Variants in KCNIP4 observed in about 807,000 individuals in gnomAD.
KCNIP4 encodes the protein potassium voltage-gated channel interacting protein 4, also known as Kv channel-interacting protein 4.
In KCNIP4, 12 loss-of-function variants were observed where a neutral mutation model predicts 34.0. That is an observed-to-expected ratio of 0.35 (90% CI 0.23 to 0.57). KCNIP4 has a LOEUF of 0.57. KCNIP4 is among the 20% of genes least tolerant of loss of function. The pLI is 0.83. For synonymous variants in KCNIP4, 124 were observed against 102.2 expected (o/e 1.21, Z -1.29); for missense variants, 238 against 311.7 (o/e 0.76, Z 1.78).
intron 1 of KCNIP4, among the ~76,000 whole-genome samples, chr4:21,170,250 A>G (rs936389737): frequency 6.6e-6 from 1 of 152,204 alleles, no homozygotes; most frequent in Non-Finnish European, 1.5e-5. Flanking sequence ...CATCAATTTT[A>G]CCAAGCTATT....
chr4:20,810,456 G>A (rs1715595349), intron 3 of KCNIP4, among the ~76,000 whole-genome samples: 1 of 127,286 alleles, frequency 7.9e-6, no homozygotes, highest in African/African-American at 2.8e-5. Flanking sequence ...GCAGGGGGGA[G>A]GAAGGGGGGA....
At chr4:21,060,947 G>C (rs1377342192) in intron 1 of KCNIP4, among the ~76,000 whole-genome samples, 1 of 152,126 alleles carries the variant, frequency 6.6e-6, no homozygotes, top group Non-Finnish European at 1.5e-5. Context: ...CGGAAAGATA[G>C]GGAAACATAT....
chr4:20,830,272 G>T (rs2130918), intron 3 of KCNIP4, among the ~76,000 whole-genome samples: 31,012 of 151,946 alleles, frequency 0.2, 3,396 homozygotes, highest in South Asian at 0.39. Flanking sequence ...TCCCTTTACA[G>T]GTAATCCAAA....
intron 1 of KCNIP4, among the ~76,000 whole-genome samples, chr4:21,818,762 T>TATCTC (rs1237002641): frequency 6.6e-6 from 1 of 152,246 alleles, no homozygotes; most frequent in African/African-American, 2.4e-5. Context: ...AGAAACTTTC[T>TATCTC]ATCTCATCAG....
intron 1 of KCNIP4, among the ~76,000 whole-genome samples, chr4:21,336,877 A>G (rs1199132563): frequency 6.6e-6 from 1 of 152,106 alleles, no homozygotes; most frequent in Non-Finnish European, 1.5e-5. Context: ...CACATACGCA[A>G]CTTTAACAGC....
chr4:21,204,048 A>G (rs1756679569), intron 1 of KCNIP4, among the ~76,000 whole-genome samples: 1 of 152,164 alleles, frequency 6.6e-6, no homozygotes, highest in East Asian at 1.9e-4. Flanking sequence ...ATTGCAAGGC[A>G]TGGTTGTTCT....
At chr4:21,738,919 G>A (rs906802509) in intron 1 of KCNIP4, among the ~76,000 whole-genome samples, 1 of 152,110 alleles carries the variant, frequency 6.6e-6, no homozygotes, top group Non-Finnish European at 1.5e-5. Flanking sequence ...AGAAATTGTG[G>A]TTATTGAATG....
At chr4:21,830,992 T>C (rs1373010059) in intron 1 of KCNIP4, among the ~76,000 whole-genome samples, 2 of 152,060 alleles carry the variant, frequency 1.3e-5, no homozygotes, top group Admixed American at 6.6e-5. Flanking sequence ...TAGAAATCAA[T>C]AACAGGAGAA....
At chr4:21,745,520 C>T (rs1297977995) in intron 1 of KCNIP4, among the ~76,000 whole-genome samples, 1 of 152,052 alleles carries the variant, frequency 6.6e-6, no homozygotes, top group Non-Finnish European at 1.5e-5. Flanking sequence ...TTAAAGAAAG[C>T]TTTACTCTGT....
At chr4:21,774,268 A>G (rs1385112013) in intron 1 of KCNIP4, among the ~76,000 whole-genome samples, 3 of 152,056 alleles carry the variant, frequency 2.0e-5, no homozygotes, top group Admixed American at 6.6e-5. Context: ...TTGGTCCCCA[A>G]TCTCTTCTGG....
At chr4:20,793,667 T>C (rs575793802) in intron 3 of KCNIP4, among the ~76,000 whole-genome samples, 2 of 152,268 alleles carry the variant, frequency 1.3e-5, no homozygotes, top group Non-Finnish European at 2.9e-5. Context: ...TATGGTGTAC[T>C]TGATTTCTCT....
chr4:21,322,702 G>T (rs533757942), intron 1 of KCNIP4, among the ~76,000 whole-genome samples: 1 of 151,922 alleles, frequency 6.6e-6, no homozygotes, highest in Admixed American at 6.6e-5. Context: ...AATGTTTGTT[G>T]AGAAGCAACT....
intron 1 of KCNIP4, among the ~76,000 whole-genome samples, chr4:21,033,930 C>A (rs1043331333): frequency 6.6e-6 from 1 of 152,160 alleles, no homozygotes; most frequent in Non-Finnish European, 1.5e-5. Context: ...CGCATATGGT[C>A]TCTCTGGCAA....
chr4:21,084,386 A>G (rs1330992822), intron 1 of KCNIP4, among the ~76,000 whole-genome samples: 1 of 151,694 alleles, frequency 6.6e-6, no homozygotes, highest in African/African-American at 2.4e-5. Context: ...AATCCTTAAA[A>G]TGCAAGAGAA....
Position 21,008,824 on chromosome 4 carries a change from G to A in KCNIP4, c.62-126115C>T, listed in dbSNP as rs571310105. 2.6e-4 allele frequency among the ~76,000 whole-genome samples: 40 copies of A among 151,888 alleles called. 1 individual carries two copies. The highest frequency in any genetic ancestry group is 1.2e-3 in the Admixed American group (18 of 15,218). The stretch of plus-strand genomic sequence containing the variant: ...CAGACGTGAGCCACCGCGCCCAGCC[G>A]GGATTTTCTTTTTAAGAAACTGTAA... On this transcript the variant is annotated intron_variant, in intron 1 of 8. Coordinates refer to ENST00000382152, the MANE Select transcript of KCNIP4 (RefSeq NM_025221.6).
At chr4:21,672,259 C>T (rs35707094) in intron 1 of KCNIP4, among the ~76,000 whole-genome samples, 36,742 of 151,962 alleles carry the variant, frequency 0.24, 4,548 homozygotes, top group Non-Finnish European at 0.27. Context: ...TCTGCACATG[C>T]ACCCCAGAAC....
At chr4:21,210,074 G>T (rs569395446) in intron 1 of KCNIP4, among the ~76,000 whole-genome samples, 37 of 152,270 alleles carry the variant, frequency 2.4e-4, no homozygotes, top group African/African-American at 8.7e-4. Flanking sequence ...AACATGGGAT[G>T]ATGCCTAAAC....
chr4:20,886,283 C>T (rs1725303245), intron 1 of KCNIP4, among the ~76,000 whole-genome samples: 1 of 152,178 alleles, frequency 6.6e-6, no homozygotes, highest in Non-Finnish European at 1.5e-5. Flanking sequence ...TGGCTCGCCC[C>T]TGCCTGGTGA....
intron 2 of KCNIP4, among the ~76,000 whole-genome samples, chr4:20,858,282 C>T (rs902411019): frequency 1.4e-5 from 2 of 148,104 alleles, no homozygotes; most frequent in Non-Finnish European, 3.0e-5. Flanking sequence ...GAAGAAAGGC[C>T]ATGTGAAGAT....
Sources: allele counts gnomAD v4.1 joint callset (sites outside exome capture counted in the v4.1 genomes callset), GRCh38; gene constraint gnomAD v4.1.1; transcripts MANE v1.5; gene names NCBI Gene and HGNC (gene_info 2026-07-23, HGNC 2026-07-21).